Variants in SLC1A4 observed in about 807,000 individuals in gnomAD.
SLC1A4 encodes neutral amino acid transporter A.
A neutral mutation model predicts 37.7 loss-of-function variants in SLC1A4; 19 were observed. That is an observed-to-expected ratio of 0.50 (90% CI 0.35 to 0.74). The LOEUF (loss-of-function observed/expected upper bound fraction) is 0.74, where lower values mean the gene tolerates loss of function less well. Among genes scored for constraint, SLC1A4 ranks in the 30% least tolerant of loss-of-function variants. The pLI is 0.01. For synonymous variants in SLC1A4, 299 were observed against 309.8 expected (o/e 0.97, Z 0.37); for missense variants, 570 against 712.9 (o/e 0.80, Z 2.28).
intron 5 of SLC1A4, among the ~76,000 whole-genome samples, chr2:65,017,773 G>C (rs1478009103): frequency 6.6e-6 from 1 of 152,160 alleles, no homozygotes; most frequent in Non-Finnish European, 1.5e-5. Context: ...TTGTTCTCTC[G>C]GGAACGTTTT....
intron 1 of SLC1A4, chr2:65,000,940 G>A (rs541340281): frequency 7.9e-5 from 12 of 152,588 alleles, no homozygotes; most frequent in African/African-American, 2.6e-4. Context: ...TTTCACTAGT[G>A]AGCAGTGACA....
Position 64,989,682 on chromosome 2 carries a change from C to A in SLC1A4, c.39C>A (p.Ser13Arg), listed in dbSNP as rs776166309. 6.5e-7 allele frequency: 1 copy of A among 1,542,392 alleles called. No individual in the cohort carries two copies. The highest frequency in any genetic ancestry group is 1.2e-5 in the South Asian group (1 of 83,542). Reference sequence around the variant, plus strand: ...ACGAGACCAACGGCTACCTTGACAGCGCTCAGGCGGGGCCTGCGGCCGGGC... The same window carrying A: ...ACGAGACCAACGGCTACCTTGACAGAGCTCAGGCGGGGCCTGCGGCCGGGC... ...KSNETNGYLD[S>R]AQAGPAAGPG... Residue 13 changes from serine to arginine, a missense_variant, in exon 1 of 8, where the codon AGC (serine) becomes AGA (arginine). Coordinates refer to ENST00000234256, the MANE Select transcript of SLC1A4 (RefSeq NM_003038.5).
intron 3 of SLC1A4, among the ~76,000 whole-genome samples, chr2:65,007,331 T>C (rs1673720325): frequency 6.6e-6 from 1 of 151,522 alleles, no homozygotes; most frequent in African/African-American, 2.4e-5. Context: ...GCCAGGGAGG[T>C]CTTCTGATCA....
intron 1 of SLC1A4, among the ~76,000 whole-genome samples, chr2:64,995,504 G>C (rs1312058867): frequency 6.6e-6 from 1 of 152,088 alleles, no homozygotes; most frequent in Non-Finnish European, 1.5e-5. Context: ...TTTCCAGCTG[G>C]AATCTAAAAC....
chr2:65,018,286 C>T lies in SLC1A4; in HGVS notation c.1229+21C>T. 6.2e-7 allele frequency: 1 copy of T among 1,605,362 alleles called. No homozygotes were observed. Among genetic ancestry groups the T allele is most frequent in the Non-Finnish European group, 8.5e-7 (1 of 1,173,136 alleles). On this transcript the variant is annotated intron_variant, in intron 6 of 7. Coordinates refer to ENST00000234256, the MANE Select transcript of SLC1A4 (RefSeq NM_003038.5). The surrounding 1 kb of genome is among the most constrained non-coding windows in gnomAD (Gnocchi z 4.3). ...ATTCTGTAAGTTCCTCATTCTTTCC[C>T]TGGCTCAAAACTGAAGGCTTTTCTT...
At chr2:65,007,946 T>G (rs1365216353) in intron 3 of SLC1A4, among the ~76,000 whole-genome samples, 5 of 152,212 alleles carry the variant, frequency 3.3e-5, no homozygotes, top group African/African-American at 1.2e-4. Context: ...ACCTGTACAT[T>G]TGTATCCATT....
Position 65,018,206 on chromosome 2 carries a change from G to C in SLC1A4, c.1170G>C (p.Ala390=). The stretch of plus-strand genomic sequence containing the variant: ...CAGCCATCTTCCAGTGTGTGGCCGC[G>C]GTGTTCATTGCGCAACTCAACAACG... ...DGAAIFQCVA[A]VFIAQLNNVE... is the part of the protein sequence containing the mutation. Residue 390 remains alanine (A), a synonymous_variant, in exon 6 of 8, where the codon GCG becomes GCC. Coordinates refer to ENST00000234256, the MANE Select transcript of SLC1A4 (RefSeq NM_003038.5). This position sits in a 1 kb window ranked among gnomAD's most constrained non-coding sequence, Gnocchi z 4.3. The C allele has an allele frequency of 6.2e-7, 1 of 1,614,080 alleles. No homozygotes were observed. The highest frequency in any genetic ancestry group is 8.5e-7 in the Non-Finnish European group (1 of 1,180,006).
chr2:65,009,957 A>C (rs1572961273), intron 3 of SLC1A4, among the ~76,000 whole-genome samples: 3 of 149,694 alleles, frequency 2.0e-5, no homozygotes, highest in South Asian at 2.1e-4. Flanking sequence ...TTTGAGCCGG[A>C]GTCTCGCTCT....
intron 4 of SLC1A4, among the ~76,000 whole-genome samples, chr2:65,013,450 G>C (rs895903453): frequency 1.3e-5 from 2 of 152,114 alleles, no homozygotes; most frequent in Admixed American, 1.3e-4. Flanking sequence ...CCAAACTCCC[G>C]ACCTCAGGTG....
intron 1 of SLC1A4, among the ~76,000 whole-genome samples, chr2:64,997,750 C>T (rs537043125): frequency 3.9e-5 from 6 of 152,252 alleles, no homozygotes; most frequent in East Asian, 1.9e-4. Context: ...TTATGAATAA[C>T]GCTGTTATGC....
intron 1 of SLC1A4, among the ~76,000 whole-genome samples, chr2:64,994,304 T>G (rs1673168904): frequency 6.6e-6 from 1 of 152,240 alleles, no homozygotes; most frequent in African/African-American, 2.4e-5. Flanking sequence ...TTGAAGGGAT[T>G]GAGGCAAATG....
rs1243272888 is a variant in SLC1A4 at position 64,989,820 on chromosome 2, C to T, written c.177C>T (p.Gly59=). Reference sequence around the variant, plus strand: ...GGGTGCTGGCGGGCGCGGGCCTGGGCGCGGCGTTGCGCGGGCTCAGCCTGA... The same window carrying T: ...GGGTGCTGGCGGGCGCGGGCCTGGGTGCGGCGTTGCGCGGGCTCAGCCTGA... ...VSGVLAGAGL[G]AALRGLSLSR... Residue 59 remains glycine (G), a synonymous_variant, in exon 1 of 8, where the codon GGC becomes GGT. Coordinates refer to ENST00000234256, the MANE Select transcript of SLC1A4 (RefSeq NM_003038.5). 1.3e-6 allele frequency: 2 copies of T among 1,532,518 alleles called. No homozygotes were observed. Among genetic ancestry groups the T allele is most frequent in the South Asian group, 2.4e-5 (2 of 83,386 alleles). The allele number at this position is 1,532,518 out of a possible 1,614,324, so 94.9% of individuals were successfully genotyped here.
intron 1 of SLC1A4, among the ~76,000 whole-genome samples, chr2:64,991,329 C>CA (rs1673041887): frequency 6.9e-6 from 1 of 144,938 alleles, no homozygotes; most frequent in Admixed American, 6.8e-5. Flanking sequence ...AAACAAACAA[C>CA]AACAAAAAAA....
intron 4 of SLC1A4, among the ~76,000 whole-genome samples, 200 bp from the exon 5 acceptor site, chr2:65,016,240 T>C (rs1267398794): frequency 2.0e-5 from 3 of 152,098 alleles, no homozygotes; most frequent in African/African-American, 7.2e-5. Context: ...CCTTGGTGAG[T>C]GGTCAGCCTC....
In SLC1A4 at chr2:64,989,935, C is replaced by T; in HGVS notation, c.292C>T (p.Leu98=). ...CATCCTGCCGCTGGTGGTCTGCAGC[C>T]TGGTGTCGGGCGCCGCCTCGCTCGA... ...MIILPLVVCS[L]VSGAASLDAS... is the part of the protein sequence containing the mutation. Residue 98 remains leucine, a synonymous_variant, in exon 1 of 8, where the codon CTG becomes TTG. Transcript: ENST00000234256. 1 of 1,567,230 alleles carries T rather than the reference C, an allele frequency of 6.4e-7. No homozygotes were observed. The highest frequency in any genetic ancestry group is 1.2e-5 in the South Asian group (1 of 85,846).
At chr2:64,991,326 C>CA (rs1270899835) in intron 1 of SLC1A4, among the ~76,000 whole-genome samples, 2 of 145,532 alleles carry the variant, frequency 1.4e-5, no homozygotes, top group Non-Finnish European at 3.0e-5. Flanking sequence ...AACAAACAAA[C>CA]AACAACAAAA....
At chr2:64,991,282 A>G (rs1387010130) in intron 1 of SLC1A4, among the ~76,000 whole-genome samples, 1 of 147,740 alleles carries the variant, frequency 6.8e-6, no homozygotes, top group Non-Finnish European at 1.5e-5. Context: ...TTGTTCACTT[A>G]AAACAACAAA....
At chr2:64,998,268 T>A (rs1048803809) in intron 1 of SLC1A4, among the ~76,000 whole-genome samples, 1 of 146,286 alleles carries the variant, frequency 6.8e-6, no homozygotes, top group Non-Finnish European at 1.5e-5. Context: ...AATAAATAAA[T>A]AAATTAGCCG....
At chr2:64,992,105 C>A (rs967466925) in intron 1 of SLC1A4, among the ~76,000 whole-genome samples, 1 of 152,166 alleles carries the variant, frequency 6.6e-6, no homozygotes. Flanking sequence ...TGTAGGAGGT[C>A]GGTCAGCTCT....
Sources: gnomAD v4.1 joint callset for allele counts (sites outside exome capture counted in the v4.1 genomes callset) on GRCh38, gnomAD v4.1.1 for gene constraint, Gnocchi (gnomAD v3.1) non-coding constraint, MANE v1.5 for transcripts, NCBI Gene and HGNC (gene_info 2026-07-23, HGNC 2026-07-21) for gene names.